Variants in C1orf87 observed in about 807,000 individuals in gnomAD.
C1orf87 encodes uncharacterized protein C1orf87.
In C1orf87, 58 loss-of-function variants were observed where a neutral mutation model predicts 60.5. The ratio of observed to expected loss-of-function variants is 0.96; its 90% CI spans 0.78 to 1.19. C1orf87 has a LOEUF of 1.19. Among genes scored for constraint, C1orf87 ranks in the 50% most tolerant of loss-of-function variants. The probability of loss-of-function intolerance (pLI) is 0.00; values close to 1 mark genes in which losing one functional copy is unlikely to be tolerated. For missense variants in C1orf87, 673 were observed against 638.6 expected (o/e 1.05, Z -0.58); for synonymous variants, 236 against 227.4 (o/e 1.04, Z -0.34).
At chr1:60,073,770 CG>C, upstream of C1orf87, 1 of 152,478 alleles carries the variant, frequency 6.6e-6, no homozygotes, top group Non-Finnish European at 1.5e-5. Flanking sequence ...CTCTCAGACC[CG>C]GGGACGGGAC....
chr1:60,009,961 A>G (rs1369362954), intron 9 of C1orf87, among the ~76,000 whole-genome samples: 1 of 152,018 alleles, frequency 6.6e-6, no homozygotes, highest in East Asian at 1.9e-4. Flanking sequence ...TCTGTTTTTA[A>G]AAATGTTTAC....
chr1:59,997,692 T>C lies in C1orf87; in HGVS notation c.1397A>G (p.Asn466Ser), dbSNP rs958765703. The change falls in exon 11 of 12, where the codon AAC becomes AGC. Residue 466 changes from asparagine (N) to serine (S), a missense_variant. By Grantham distance (46) the Asn-to-Ser change is conservative (BLOSUM62 1). Transcript: ENST00000371201. Reference sequence around the variant, plus strand: ...CCACGTCTCACATTCCTCAGCCTTGTTCTTCACAGCTGGATTCACGAAGGG... The same window carrying C: ...CCACGTCTCACATTCCTCAGCCTTGCTCTTCACAGCTGGATTCACGAAGGG... ...SQPFVNPAVK[N>S]KAEECETWID... 2.5e-6 allele frequency: 4 copies of C among 1,613,894 alleles called. No homozygotes were observed. The African/African-American group carries it at 4.0e-5, about 16-fold the overall frequency.
At chr1:60,053,478 T>G (rs986422691) in intron 3 of C1orf87, among the ~76,000 whole-genome samples, 1 of 152,160 alleles carries the variant, frequency 6.6e-6, no homozygotes, top group Non-Finnish European at 1.5e-5. Context: ...GCCTGGCACA[T>G]AGTAAATGCT....
At chr1:60,048,374 G>C (rs1175708834) in intron 3 of C1orf87, among the ~76,000 whole-genome samples, 5 of 151,974 alleles carry the variant, frequency 3.3e-5, no homozygotes, top group Admixed American at 1.3e-4. Flanking sequence ...TGAAATCTGG[G>C]GTGAAATTTT....
chr1:60,008,641 T>C (rs769122564), intron 9 of C1orf87: 11 of 451,372 alleles, frequency 2.4e-5, no homozygotes, highest in Non-Finnish European at 4.9e-5. Flanking sequence ...ACACATCAAG[T>C]ATCCACCTAG....
chr1:60,011,418 T>C (rs1250836355), intron 8 of C1orf87, among the ~76,000 whole-genome samples: 1 of 151,840 alleles, frequency 6.6e-6, no homozygotes, highest in African/African-American at 2.4e-5. Flanking sequence ...TCTCAATCTA[T>C]TTATCCCTTC....
chr1:60,006,490 G>C (rs1348885817), intron 9 of C1orf87, among the ~76,000 whole-genome samples: 1 of 151,920 alleles, frequency 6.6e-6, no homozygotes, highest in East Asian at 1.9e-4. Flanking sequence ...TGAGTGATAG[G>C]TCTTCAAGAA....
chr1:60,014,857 C>A (rs1185559320), intron 8 of C1orf87, among the ~76,000 whole-genome samples: 3 of 152,164 alleles, frequency 2.0e-5, no homozygotes, highest in Non-Finnish European at 4.4e-5. Flanking sequence ...CTGGTTAGCT[C>A]CTACAAATCC....
intron 2 of C1orf87, among the ~76,000 whole-genome samples, chr1:60,058,488 C>G (rs1645472175): frequency 6.6e-6 from 1 of 152,052 alleles, no homozygotes; most frequent in African/African-American, 2.4e-5. Context: ...ATTTGAAGTT[C>G]ATAAGAAACA....
At chr1:60,014,561 G>T (rs1449742360) in intron 8 of C1orf87, among the ~76,000 whole-genome samples, 2 of 151,930 alleles carry the variant, frequency 1.3e-5, no homozygotes, top group Non-Finnish European at 2.9e-5. Context: ...CAAACCTAAA[G>T]CACTAAACAC....
intron 2 of C1orf87, among the ~76,000 whole-genome samples, chr1:60,060,607 T>C (rs1645490241): frequency 6.6e-6 from 1 of 152,078 alleles, no homozygotes; most frequent in African/African-American, 2.4e-5. Flanking sequence ...TTTAAATAGA[T>C]AAAAAGAGAG....
At chr1:60,045,663 T>A (rs1229058226) in intron 3 of C1orf87, among the ~76,000 whole-genome samples, 1 of 152,204 alleles carries the variant, frequency 6.6e-6, no homozygotes, top group Non-Finnish European at 1.5e-5. Context: ...AGCATATGTC[T>A]GTAAAGCAGT....
At chr1:60,051,414 C>G (rs1322822263) in intron 3 of C1orf87, among the ~76,000 whole-genome samples, 1 of 152,182 alleles carries the variant, frequency 6.6e-6, no homozygotes, top group Non-Finnish European at 1.5e-5. Context: ...TTAAAATGCA[C>G]TTGTGTAATT....
chr1:60,063,584 G>A (rs1044451981), intron 2 of C1orf87, among the ~76,000 whole-genome samples: 1 of 151,908 alleles, frequency 6.6e-6, no homozygotes, highest in African/African-American at 2.4e-5. Context: ...ATTCCCCACC[G>A]TGCTCCACAA....
chr1:60,012,760 G>A (rs1645096589), intron 8 of C1orf87, among the ~76,000 whole-genome samples: 1 of 152,076 alleles, frequency 6.6e-6, no homozygotes, highest in Non-Finnish European at 1.5e-5. Flanking sequence ...AGTACTTTTT[G>A]TGCATTATCT....
At chr1:60,065,971 C>T (rs925836143) in intron 2 of C1orf87, among the ~76,000 whole-genome samples, 1 of 152,082 alleles carries the variant, frequency 6.6e-6, no homozygotes, top group Non-Finnish European at 1.5e-5. Flanking sequence ...GTTATATTTA[C>T]ACTATACTGT....
At chr1:60,014,457 G>A (rs548497746) in intron 8 of C1orf87, among the ~76,000 whole-genome samples, 4 of 152,116 alleles carry the variant, frequency 2.6e-5, no homozygotes, top group African/African-American at 9.6e-5. Context: ...CTCACGTGTT[G>A]TTTGTTTCTT....
chr1:60,028,610 A>G (rs942785091), intron 7 of C1orf87, among the ~76,000 whole-genome samples: 14 of 152,170 alleles, frequency 9.2e-5, no homozygotes, highest in African/African-American at 1.2e-4. Context: ...ATTTCCCCAA[A>G]ATGCTCCTTG....
intron 2 of C1orf87, among the ~76,000 whole-genome samples, chr1:60,065,311 T>C (rs1182888676): frequency 6.6e-6 from 1 of 151,616 alleles, no homozygotes; most frequent in Non-Finnish European, 1.5e-5. Context: ...ATTAGCTTCA[T>C]GGAGAGTTTA....
Sources: allele counts gnomAD v4.1 joint callset (sites outside exome capture counted in the v4.1 genomes callset), GRCh38; gene constraint gnomAD v4.1.1; transcripts MANE v1.5; gene names NCBI Gene and HGNC (gene_info 2026-07-23, HGNC 2026-07-21).